The following DLG2 variants were observed in gnomAD, a reference collection of about 807,000 sequenced individuals.
DLG2 encodes the protein discs large MAGUK scaffold protein 2.
A neutral mutation model predicts 132.5 loss-of-function variants in DLG2; 45 were observed. The observed-to-expected ratio is 0.34, with a 90% CI of 0.27 to 0.44. The LOEUF is 0.44. DLG2 is among the 20% of genes least tolerant of loss of function. The pLI is 1.00. For missense variants in DLG2, 1,045 were observed against 1,196.9 expected (o/e 0.87, Z 1.87); for synonymous variants, 424 against 419.6 (o/e 1.01, Z -0.13).
intron 6 of DLG2, among the ~76,000 whole-genome samples, chr11:84,976,020 A>C (rs1407564942): frequency 6.6e-6 from 1 of 152,100 alleles, no homozygotes; most frequent in African/African-American, 2.4e-5. Flanking sequence ...CAGCTCAAAT[A>C]TCCTGTCTCC....
At chr11:84,761,621 C>T (rs1047276097) in intron 6 of DLG2, among the ~76,000 whole-genome samples, 2 of 152,192 alleles carry the variant, frequency 1.3e-5, no homozygotes, top group African/African-American at 2.4e-5. Context: ...TTGAATGCTT[C>T]CTGACCTTGA....
intron 3 of DLG2, among the ~76,000 whole-genome samples, chr11:85,409,974 AC>A (rs2152977940): frequency 6.6e-6 from 1 of 152,012 alleles, no homozygotes; most frequent in African/African-American, 2.4e-5. Flanking sequence ...GACAAAAGAT[AC>A]AATTTGATCC....
intron 6 of DLG2, among the ~76,000 whole-genome samples, chr11:85,071,918 A>C: frequency 6.6e-6 from 1 of 151,860 alleles, no homozygotes; most frequent in East Asian, 1.9e-4. Context: ...CATCCTACCC[A>C]GTTTTTATGC....
intron 7 of DLG2, among the ~76,000 whole-genome samples, chr11:84,364,839 C>A (rs555797352): frequency 1.3e-5 from 2 of 152,118 alleles, no homozygotes; most frequent in Admixed American, 1.3e-4. Context: ...ATTGAAGGAG[C>A]CTTGCATCCC....
chr11:85,122,725 T>C (rs2074473502), intron 5 of DLG2, among the ~76,000 whole-genome samples: 3 of 151,684 alleles, frequency 2.0e-5, no homozygotes, highest in Admixed American at 6.6e-5. Context: ...ATATTGCATT[T>C]GGTGAACAAA....
intron 3 of DLG2, among the ~76,000 whole-genome samples, chr11:85,294,069 C>A (rs188890252): frequency 7.3e-4 from 111 of 151,702 alleles, no homozygotes; most frequent in African/African-American, 2.6e-3. Context: ...TGATGAGAAC[C>A]CGTATCTACA....
intron 6 of DLG2, among the ~76,000 whole-genome samples, chr11:84,787,069 A>G (rs2073025313): frequency 1.3e-5 from 2 of 152,310 alleles, no homozygotes; most frequent in South Asian, 4.1e-4. Flanking sequence ...GAACCAACAC[A>G]GGAGAAACAA....
chr11:85,036,461 C>T (rs2061443119), intron 6 of DLG2, among the ~76,000 whole-genome samples: 1 of 152,208 alleles, frequency 6.6e-6, no homozygotes, highest in Non-Finnish European at 1.5e-5. Flanking sequence ...ACTTAACATA[C>T]TATGTAGCAC....
chr11:84,688,405 T>C (rs1319261299), intron 6 of DLG2, among the ~76,000 whole-genome samples: 1 of 152,174 alleles, frequency 6.6e-6, no homozygotes, highest in African/African-American at 2.4e-5. Flanking sequence ...GTGGTTAGCT[T>C]TTAGAAGGCT....
chr11:84,869,417 G>A (rs1372586971), intron 6 of DLG2, among the ~76,000 whole-genome samples: 2 of 152,168 alleles, frequency 1.3e-5, no homozygotes, highest in African/African-American at 2.4e-5. Context: ...AGTTAAGATA[G>A]TTCTGTTTCA....
At chr11:85,426,991 A>G (rs1195814054) in intron 3 of DLG2, among the ~76,000 whole-genome samples, 2 of 152,272 alleles carry the variant, frequency 1.3e-5, no homozygotes, top group African/African-American at 4.8e-5. Flanking sequence ...CACAAGCCTC[A>G]GTAGCCAATT....
intron 3 of DLG2, among the ~76,000 whole-genome samples, chr11:85,596,219 C>A (rs886228698): frequency 6.6e-6 from 1 of 152,068 alleles, no homozygotes; most frequent in Non-Finnish European, 1.5e-5. Flanking sequence ...GAAATCCCAT[C>A]TCTACAAAAA....
chr11:85,275,264 G>A (rs1360843627), intron 4 of DLG2, among the ~76,000 whole-genome samples: 2 of 151,818 alleles, frequency 1.3e-5, no homozygotes, highest in Non-Finnish European at 2.9e-5. Context: ...AAGACAACTC[G>A]GGTTTTTCTG....
chr11:84,411,856 C>T (rs918832916), intron 7 of DLG2, among the ~76,000 whole-genome samples: 2 of 152,184 alleles, frequency 1.3e-5, no homozygotes, highest in Admixed American at 1.3e-4. Context: ...AAACCATAGA[C>T]TGACTTTATT....
At chr11:84,234,263 C>A (rs572767094) in intron 8 of DLG2, among the ~76,000 whole-genome samples, 1 of 152,162 alleles carries the variant, frequency 6.6e-6, no homozygotes, top group Admixed American at 6.5e-5. Context: ...ACTTGGCCAG[C>A]CTCCAAGTGT....
chr11:83,642,356 T>G (rs897886093), intron 18 of DLG2, among the ~76,000 whole-genome samples: 1 of 152,214 alleles, frequency 6.6e-6, no homozygotes, highest in Non-Finnish European at 1.5e-5. Context: ...GGTATGTCTT[T>G]CTCCATTCCT....
chr11:84,184,638 C>T (rs890149240), intron 8 of DLG2, among the ~76,000 whole-genome samples: 28 of 152,150 alleles, frequency 1.8e-4, no homozygotes, highest in Non-Finnish European at 4.0e-4. Flanking sequence ...GACAGGAAGT[C>T]CTTGCCCATG....
intron 6 of DLG2, among the ~76,000 whole-genome samples, chr11:85,005,862 T>A (rs953520108): frequency 6.6e-6 from 1 of 152,160 alleles, no homozygotes; most frequent in East Asian, 1.9e-4. Flanking sequence ...TGGCTATGGG[T>A]CTGTCATACA....
chr11:85,510,555 C>T (rs1360030311), intron 3 of DLG2, among the ~76,000 whole-genome samples: 1 of 151,800 alleles, frequency 6.6e-6, no homozygotes, highest in Non-Finnish European at 1.5e-5. Flanking sequence ...ATCAAAAAGT[C>T]GGCAAAGGAT....
Sources: gnomAD v4.1 joint callset for allele counts (sites outside exome capture counted in the v4.1 genomes callset) on GRCh38, gnomAD v4.1.1 for gene constraint, MANE v1.5 for transcripts, NCBI Gene and HGNC (gene_info 2026-07-23, HGNC 2026-07-21) for gene names.